The following SSUH2 variants were observed in gnomAD, a reference collection of about 807,000 sequenced individuals.
The protein encoded by SSUH2 is protein SSUH2 homolog.
In SSUH2, 47 loss-of-function variants were observed where a neutral mutation model predicts 55.3. That is an observed-to-expected ratio of 0.85 (90% CI 0.67 to 1.08). The LOEUF (loss-of-function observed/expected upper bound fraction) is 1.08. Among genes scored for constraint, SSUH2 ranks in the 50% least tolerant of loss-of-function variants. SSUH2 has a pLI of 0.00. For synonymous variants in SSUH2, 212 were observed against 191.5 expected (o/e 1.11, Z -0.89); for missense variants, 535 against 490.7 (o/e 1.09, Z -0.85).
chr3:8,656,103 A>AAG (rs773799571), intron 7 of SSUH2, among the ~76,000 whole-genome samples: 1 of 152,220 alleles, frequency 6.6e-6, no homozygotes, highest in Non-Finnish European at 1.5e-5. Context: ...GATTTTAAGA[A>AAG]AGAGAGAGAG....
intron 7 of SSUH2, among the ~76,000 whole-genome samples, chr3:8,656,552 A>C (rs957274103): frequency 2.0e-5 from 3 of 152,116 alleles, no homozygotes; most frequent in Non-Finnish European, 4.4e-5. Flanking sequence ...CTCATGCCCC[A>C]CCATGTGCCC....
chr3:8,655,797 A>C (rs1028732617), intron 7 of SSUH2, among the ~76,000 whole-genome samples: 2 of 152,190 alleles, frequency 1.3e-5, no homozygotes, highest in Non-Finnish European at 1.5e-5. Flanking sequence ...TGTTTTTGTC[A>C]GAAGAATGAT....
chr3:8,679,063 C>A, intron 2 of SSUH2, among the ~76,000 whole-genome samples: 1 of 108,746 alleles, frequency 9.2e-6, no homozygotes, highest in East Asian at 2.3e-4. Flanking sequence ...GAGGAAGCAC[C>A]CCCCGCGAGG....
intron 5 of SSUH2, among the ~76,000 whole-genome samples, chr3:8,665,003 A>G (rs1375130663): frequency 1.3e-5 from 2 of 152,146 alleles, no homozygotes; most frequent in East Asian, 3.9e-4. Flanking sequence ...TTCCTTAAGA[A>G]TCACCCTCAC....
chr3:8,652,370 T>C (rs549627946), intron 7 of SSUH2, among the ~76,000 whole-genome samples: 1 of 152,182 alleles, frequency 6.6e-6, no homozygotes, highest in South Asian at 2.1e-4. Flanking sequence ...TTTTTCCCAA[T>C]CAGACATCCA....
intron 4 of SSUH2, among the ~76,000 whole-genome samples, chr3:8,671,707 C>T (rs2125409432): frequency 6.6e-6 from 1 of 152,228 alleles, no homozygotes; most frequent in African/African-American, 2.4e-5. Context: ...TTAGTAGCGG[C>T]ATGTTGCTAG....
At chr3:8,641,785 T>C (rs1053157095) in intron 1 of SSUH2, among the ~76,000 whole-genome samples, 1 of 152,230 alleles carries the variant, frequency 6.6e-6, no homozygotes, top group East Asian at 1.9e-4. Context: ...TGCCAAGAAG[T>C]CCAGCACCCT....
chr3:8,629,543 A>G (rs1698319671), intron 7 of SSUH2, 121 bp downstream of exon 7: 1 of 818,692 alleles, frequency 1.2e-6, no homozygotes. Context: ...AGGGAGGATG[A>G]CTTGGCTGAG....
At chr3:8,677,166 C>G (rs1283610065) in intron 3 of SSUH2, 1 of 152,078 alleles carries the variant, frequency 6.6e-6, no homozygotes, top group Admixed American at 6.6e-5. Flanking sequence ...CCCCCTTGCT[C>G]AGGACGCCCA....
At chr3:8,634,444 T>C (rs754315093) in intron 3 of SSUH2, 1 of 1,290,068 alleles carries the variant, frequency 7.8e-7, no homozygotes, top group South Asian at 1.2e-5. Flanking sequence ...GAATCCTCCT[T>C]CCTCCCCTTG....
intron 1 of SSUH2, 60 bp downstream of exon 1, chr3:8,644,671 C>T: frequency 6.8e-7 from 1 of 1,474,354 alleles, no homozygotes; most frequent in Non-Finnish European, 9.2e-7. Context: ...AGGTCCTCTT[C>T]AAATGCAGGC....
chr3:8,623,719 T>G, intron 10 of SSUH2, 63 bp from the exon 11 acceptor site: 2 of 833,976 alleles, frequency 2.4e-6, no homozygotes, highest in Non-Finnish European at 3.8e-6. Flanking sequence ...TGGAAGTCAC[T>G]GGGGCTGACT....
chr3:8,637,742 G>A (rs1300835458), intron 1 of SSUH2, among the ~76,000 whole-genome samples: 1 of 152,214 alleles, frequency 6.6e-6, no homozygotes, highest in Non-Finnish European at 1.5e-5. Context: ...AATAGTGCCT[G>A]TGAAATGGTC....
upstream of SSUH2, among the ~76,000 whole-genome samples, chr3:8,645,183 AG>A (rs1701514460): frequency 1.3e-5 from 2 of 152,216 alleles, no homozygotes; most frequent in Admixed American, 1.3e-4. Context: ...ATGCAGAAAA[AG>A]GTCATAACCA....
At chr3:8,633,142 C>CT (rs139752594) in intron 4 of SSUH2, among the ~76,000 whole-genome samples, 3,871 of 119,844 alleles carry the variant, frequency 0.032, 239 homozygotes, top group African/African-American at 0.11. Context: ...TTGATGACGC[C>CT]TTTTTTTTTT....
chr3:8,651,789 C>T (rs931923807), intron 7 of SSUH2, among the ~76,000 whole-genome samples: 2 of 152,130 alleles, frequency 1.3e-5, no homozygotes, highest in Middle Eastern at 6.3e-3. Flanking sequence ...GGATGTGTTC[C>T]CATGGCTCCA....
intron 1 of SSUH2, chr3:8,679,983 G>C (rs746065130): frequency 1.3e-5 from 2 of 151,246 alleles, no homozygotes; most frequent in Non-Finnish European, 3.0e-5. Context: ...ACCTTTGCAA[G>C]GGGGATCCCA....
intron 7 of SSUH2, among the ~76,000 whole-genome samples, chr3:8,649,811 G>A (rs2125312598): frequency 6.6e-6 from 1 of 152,144 alleles, no homozygotes; most frequent in Non-Finnish European, 1.5e-5. Context: ...TCAGAACTCA[G>A]ACTGATCCCT....
chr3:8,632,151 T>A, intron 4 of SSUH2, 42 bp from the exon 5 acceptor site: 1 of 1,540,870 alleles, frequency 6.5e-7, no homozygotes, highest in Non-Finnish European at 9.0e-7. Context: ...GTGCCCCTTA[T>A]GAAGACAGAG....
Sources: allele counts gnomAD v4.1 joint callset (sites outside exome capture counted in the v4.1 genomes callset), GRCh38; gene constraint gnomAD v4.1.1; transcripts MANE v1.5; gene names NCBI Gene and HGNC (gene_info 2026-07-23, HGNC 2026-07-21).